Variants in SIL1 observed in about 807,000 individuals in gnomAD.
SIL1 encodes the protein nucleotide exchange factor SIL1.
In SIL1, 40 loss-of-function variants were observed where a neutral mutation model predicts 49.1. That is an observed-to-expected ratio of 0.81 (90% CI 0.63 to 1.06). The LOEUF (loss-of-function observed/expected upper bound fraction) is 1.06, where lower values mean the gene tolerates loss of function less well. SIL1 is among the 50% of genes least tolerant of loss of function. SIL1 has a pLI of 0.00. For missense variants in SIL1, 500 were observed against 572.6 expected, an observed-to-expected ratio of 0.87 and a Z score of 1.29; for synonymous variants, 253 against 250.8, an observed-to-expected ratio of 1.01 and a Z score of -0.08.
chr5:139,167,829 G>A (rs774916827), intron 1 of SIL1, among the ~76,000 whole-genome samples: 11 of 152,068 alleles, frequency 7.2e-5, no homozygotes, highest in African/African-American at 2.7e-4. Flanking sequence ...TAAGTGCACT[G>A]TACAGGGGTA....
chr5:139,192,074 CAAAAA>C (rs10700186), intron 1 of SIL1, among the ~76,000 whole-genome samples: 1 of 67,216 alleles, frequency 1.5e-5, no homozygotes, highest in Non-Finnish European at 2.7e-5. Flanking sequence ...GATGCTGTCT[CAAAAA>C]AAAAAAAAAA....
At chr5:138,958,436 G>T (rs564236845) in intron 7 of SIL1, among the ~76,000 whole-genome samples, 40 of 152,278 alleles carry the variant, frequency 2.6e-4, no homozygotes, top group South Asian at 2.1e-3. Flanking sequence ...AATACTATTT[G>T]TTCCTCTGAA....
intron 7 of SIL1, among the ~76,000 whole-genome samples, chr5:139,006,553 C>G (rs1331048836): frequency 6.7e-6 from 1 of 149,412 alleles, no homozygotes; most frequent in African/African-American, 2.5e-5. Flanking sequence ...AATGGTAATG[C>G]CTAGGTTTTC....
intron 1 of SIL1, among the ~76,000 whole-genome samples, chr5:139,187,372 C>G (rs1332447214): frequency 3.3e-5 from 5 of 152,094 alleles, no homozygotes; most frequent in African/African-American, 1.2e-4. Context: ...CAAAAATTAG[C>G]CGGGTGTGGT....
chr5:139,112,659 C>T (rs1244470348), intron 3 of SIL1, among the ~76,000 whole-genome samples: 1 of 150,320 alleles, frequency 6.7e-6, no homozygotes, highest in African/African-American at 2.4e-5. Flanking sequence ...CCCGGCCAGC[C>T]GCCCCATCCG....
intron 1 of SIL1, among the ~76,000 whole-genome samples, chr5:139,141,707 T>C (rs1390187110): frequency 6.6e-6 from 1 of 152,094 alleles, no homozygotes; most frequent in Non-Finnish European, 1.5e-5. Context: ...CAGCAGAACC[T>C]AATGGCATAC....
chr5:138,955,919 A>G (rs1212838587), intron 7 of SIL1, among the ~76,000 whole-genome samples: 1 of 152,180 alleles, frequency 6.6e-6, no homozygotes, highest in Non-Finnish European at 1.5e-5. Context: ...CTGAAAAGGA[A>G]AACAACTGGA....
chr5:139,116,712 A>G (rs2151791107), intron 3 of SIL1, among the ~76,000 whole-genome samples: 1 of 152,366 alleles, frequency 6.6e-6, no homozygotes, highest in East Asian at 1.9e-4. Context: ...CCTAGGCTCA[A>G]GCAATCCTCC....
At chr5:139,040,491 CTTTTTTCTT>C (rs1769020470) in intron 5 of SIL1, among the ~76,000 whole-genome samples, 1 of 97,152 alleles carries the variant, frequency 1.0e-5, no homozygotes, top group African/African-American at 5.4e-5. Flanking sequence ...TTTCTTTTTT[CTTTTTTCTT>C]TTTTTTTTTT....
rs543876897 is a variant in SIL1 at position 139,119,489 on chromosome 5, G to A, written c.244+1546C>T. On this transcript the variant is annotated intron_variant, in intron 3 of 9. Transcript: ENST00000394817. ...AAAGTGGTACAAGAAAGCCAGGTGC[G>A]GTGGCTCACGTCTGTAATCCTAGGA... is the stretch of plus-strand genomic sequence containing the variant. Among the ~76,000 whole-genome samples the A allele has an allele frequency of 1.1e-3, 167 of 152,304 alleles. 1 individual carries two copies. The highest frequency in any genetic ancestry group is 3.8e-3 in the African/African-American group (157 of 41,566).
chr5:138,962,181 G>C (rs1240904384), intron 7 of SIL1, among the ~76,000 whole-genome samples: 2 of 151,930 alleles, frequency 1.3e-5, no homozygotes, highest in Non-Finnish European at 2.9e-5. Context: ...TTCTGTGCCA[G>C]TTTTATAATT....
chr5:138,981,378 G>C (rs1767515500), intron 7 of SIL1, among the ~76,000 whole-genome samples: 1 of 152,124 alleles, frequency 6.6e-6, no homozygotes, highest in Non-Finnish European at 1.5e-5. Flanking sequence ...TTGGCAAGAG[G>C]GAGCAAGTGA....
At chr5:139,093,720 T>C (rs1770393409) in intron 3 of SIL1, 1 of 152,258 alleles carries the variant, frequency 6.6e-6, no homozygotes, top group African/African-American at 2.4e-5. Context: ...TGTCAGGCTC[T>C]ACTGAACAGG....
intron 1 of SIL1, among the ~76,000 whole-genome samples, chr5:139,179,747 G>GA (rs1233314909): frequency 6.6e-6 from 1 of 152,128 alleles, no homozygotes; most frequent in East Asian, 1.9e-4. Context: ...TCCAACTATT[G>GA]AATGGTAAGG....
intron 1 of SIL1, among the ~76,000 whole-genome samples, chr5:139,139,779 G>C (rs1375236975): frequency 6.6e-6 from 1 of 151,784 alleles, no homozygotes; most frequent in Non-Finnish European, 1.5e-5. Context: ...ATGAGGTCAG[G>C]AGTTCAAGAC....
At chr5:139,154,347 A>G (rs562505036) in intron 1 of SIL1, among the ~76,000 whole-genome samples, 137 of 152,314 alleles carry the variant, frequency 9.0e-4, no homozygotes, top group Non-Finnish European at 1.5e-3. Context: ...ATTCTGTTAC[A>G]TTTCCAGGGA....
chr5:139,169,845 C>CCCACGGTCTCCCTCTCCCTCTTT (rs1327892689), intron 1 of SIL1, among the ~76,000 whole-genome samples: 12 of 84,204 alleles, frequency 1.4e-4, no homozygotes, highest in East Asian at 7.1e-4. Flanking sequence ...TCTCCCTCTC[C>CCCACGGTCTCCCTCTCCCTCTTT]CCACGGTCTC....
At chr5:138,964,915 T>C (rs1022533271) in intron 7 of SIL1, among the ~76,000 whole-genome samples, 1 of 152,242 alleles carries the variant, frequency 6.6e-6, no homozygotes, top group African/African-American at 2.4e-5. Flanking sequence ...TGGCTGAGTA[T>C]GGACCAATGT....
chr5:138,969,918 A>G (rs1028623470), intron 7 of SIL1, among the ~76,000 whole-genome samples: 4 of 152,176 alleles, frequency 2.6e-5, no homozygotes, highest in African/African-American at 9.7e-5. Context: ...TGTTTTAGGC[A>G]CAATAAATTT....
Sources: gnomAD v4.1 joint callset for allele counts (sites outside exome capture counted in the v4.1 genomes callset) on GRCh38, gnomAD v4.1.1 for gene constraint, MANE v1.5 for transcripts, NCBI Gene and HGNC (gene_info 2026-07-23, HGNC 2026-07-21) for gene names.